KALRN: variants seen among roughly 807,000 people sequenced by gnomAD.
The protein encoded by KALRN is kalirin RhoGEF kinase.
In KALRN, 70 loss-of-function variants were observed where a neutral mutation model predicts 353.7. That is an observed-to-expected ratio of 0.20 (90% CI 0.16 to 0.24). KALRN has a LOEUF of 0.24. Ranked by LOEUF, KALRN falls within the 10% of genes least tolerant of loss-of-function variation. The pLI is 1.00. For missense variants in KALRN, 2,791 were observed against 3,756.7 expected (o/e 0.74, Z 6.72); for synonymous variants, 1,391 against 1,434.8 (o/e 0.97, Z 0.69).
At chr3:124,584,994 G>A in intron 34 of KALRN, 1 of 1,465,778 alleles carries the variant, frequency 6.8e-7, no homozygotes, top group Non-Finnish European at 9.2e-7. Flanking sequence ...GGGAAGGGTT[G>A]GGGAGGCCTC....
chr3:124,357,126 T>C (rs929991877), intron 10 of KALRN, among the ~76,000 whole-genome samples: 6 of 152,232 alleles, frequency 3.9e-5, no homozygotes, highest in Admixed American at 2.6e-4. Flanking sequence ...CATTCTTGAT[T>C]CTTCTCTTGC....
chr3:124,039,152 A>G (rs184281016), intron 1 of KALRN, among the ~76,000 whole-genome samples: 6 of 152,320 alleles, frequency 3.9e-5, no homozygotes, highest in African/African-American at 1.4e-4. Flanking sequence ...CTCACAGCTC[A>G]ACTCCAGCCA....
At chr3:124,557,534 A>G (rs527911998) in intron 33 of KALRN, among the ~76,000 whole-genome samples, 5 of 152,314 alleles carry the variant, frequency 3.3e-5, no homozygotes, top group African/African-American at 1.2e-4. Context: ...GTTTTTGCAC[A>G]GGAGTTGGCA....
chr3:124,139,000 A>G (rs1026901316), intron 1 of KALRN, among the ~76,000 whole-genome samples: 1 of 152,204 alleles, frequency 6.6e-6, no homozygotes, highest in African/African-American at 2.4e-5. Flanking sequence ...CACTGCAAAG[A>G]TAAATGGTGC....
At chr3:124,218,937 G>A (rs540531775) in intron 1 of KALRN, among the ~76,000 whole-genome samples, 20 of 152,308 alleles carry the variant, frequency 1.3e-4, no homozygotes, top group Non-Finnish European at 2.6e-4. Flanking sequence ...TAGCCCATTA[G>A]CCAGGTCTTT....
chr3:124,325,169 T>TGGGAATGAATGTAAACAAAAC (rs1272103797), intron 6 of KALRN, among the ~76,000 whole-genome samples: 4 of 152,096 alleles, frequency 2.6e-5, no homozygotes, highest in African/African-American at 9.7e-5. Flanking sequence ...CAAGTAAAGA[T>TGGGAATGAATGTAAACAAAAC]GGGAATGAAT....
intron 25 of KALRN, among the ~76,000 whole-genome samples, chr3:124,471,938 G>A (rs2060943011): frequency 7.2e-6 from 1 of 138,604 alleles, no homozygotes; most frequent in Non-Finnish European, 1.5e-5. Context: ...CTGCACTCCA[G>A]CCTGAGTGAC....
intron 5 of KALRN, among the ~76,000 whole-genome samples, chr3:124,296,909 CCTCAAGGATA>C (rs984693370): frequency 2.6e-5 from 4 of 152,242 alleles, no homozygotes; most frequent in African/African-American, 9.6e-5. Context: ...CCATCTCACT[CCTCAAGGATA>C]GGTGAGGTGG....
chr3:124,515,018 T>G (rs1382297808), intron 33 of KALRN, among the ~76,000 whole-genome samples: 1 of 152,278 alleles, frequency 6.6e-6, no homozygotes, highest in East Asian at 1.9e-4. Context: ...TTCTAATCCA[T>G]CAGACAAAAA....
At chr3:124,206,044 T>G (rs2076382004) in intron 1 of KALRN, among the ~76,000 whole-genome samples, 1 of 152,218 alleles carries the variant, frequency 6.6e-6, no homozygotes, top group Admixed American at 6.5e-5. Flanking sequence ...AAGCAATTTC[T>G]TCAGTCTCCA....
chr3:124,613,196 C>T (rs1011422223), intron 34 of KALRN, among the ~76,000 whole-genome samples: 3 of 67,840 alleles, frequency 4.4e-5, no homozygotes, highest in African/African-American at 3.2e-4. Context: ...GTGGTTGCCT[C>T]CTTTAAAAAA....
intron 3 of KALRN, among the ~76,000 whole-genome samples, chr3:124,241,472 C>T (rs976080723): frequency 6.6e-6 from 1 of 152,060 alleles, no homozygotes; most frequent in Non-Finnish European, 1.5e-5. Flanking sequence ...TTTCTCTTAG[C>T]TAACTGAAAT....
At chr3:124,149,917 G>A (rs4677917) in intron 1 of KALRN, among the ~76,000 whole-genome samples, 41,954 of 151,876 alleles carry the variant, frequency 0.28, 6,314 homozygotes, top group East Asian at 0.46. Context: ...TGGTCTCTGT[G>A]GCCTCCTCTT....
chr3:124,256,526 C>T (rs2072011993), intron 3 of KALRN, among the ~76,000 whole-genome samples: 1 of 152,118 alleles, frequency 6.6e-6, no homozygotes, highest in African/African-American at 2.4e-5. Context: ...AACAACTGTG[C>T]CTAATAAAAC....
chr3:124,693,712 T>C, intron 51 of KALRN, 92 bp from the exon 52 acceptor site: 1 of 805,464 alleles, frequency 1.2e-6, no homozygotes, highest in Non-Finnish European at 2.0e-6. Context: ...CTCCCTAAAT[T>C]GTACTTTCTT....
At chr3:124,234,680 C>T (rs1014184693) in intron 2 of KALRN, 149 bp from the exon 3 acceptor site, 8 of 623,724 alleles carry the variant, frequency 1.3e-5, no homozygotes, top group Non-Finnish European at 2.3e-5. Flanking sequence ...GCATCTAGAC[C>T]CCCCCACCTT....
chr3:124,118,564 C>A (rs1167526939), intron 1 of KALRN, among the ~76,000 whole-genome samples: 2 of 152,190 alleles, frequency 1.3e-5, no homozygotes, highest in African/African-American at 4.8e-5. Flanking sequence ...CTGTCCCTCA[C>A]GTGGGCTCTG....
chr3:124,587,781 C>G (rs1271977146), intron 34 of KALRN, among the ~76,000 whole-genome samples: 1 of 141,348 alleles, frequency 7.1e-6, no homozygotes, highest in Admixed American at 7.4e-5. Context: ...TCATGGTTCA[C>G]CACAACCAGG....
At position 124,671,346 on chromosome 3, in the gene KALRN, T is replaced by C. The variant is rs559288273; in HGVS notation, c.6704-314T>C. 3.3e-5 allele frequency among the ~76,000 whole-genome samples: 5 copies of C among 152,274 alleles called. No individual in the cohort carries two copies. In the East Asian group the frequency reaches 9.7e-4, roughly 29 times the overall value. On this transcript the variant is annotated intron_variant, in intron 47 of 59. Transcript: ENST00000682506. ...CCCTCGCCAACACGTCACACTTGCT[T>C]CCTTCCTGCAGCCTAAGTGCCAGAG...
Sources: allele counts gnomAD v4.1 joint callset (sites outside exome capture counted in the v4.1 genomes callset), GRCh38; gene constraint gnomAD v4.1.1; transcripts MANE v1.5; gene names NCBI Gene and HGNC (gene_info 2026-07-23, HGNC 2026-07-21).